The following MAF variants were observed in gnomAD, a reference collection of about 807,000 sequenced individuals.
MAF encodes the protein MAF bZIP transcription factor.
MAF carries 10 observed loss-of-function variants against 22.0 expected under a neutral mutation model. The ratio of observed to expected loss-of-function variants is 0.45; its 90% confidence interval spans 0.28 to 0.77. MAF has a LOEUF of 0.77. Among genes scored for constraint, MAF ranks in the 30% least tolerant of loss-of-function variants. MAF has a pLI of 0.12. For synonymous variants in MAF, 337 were observed against 255.8 expected (o/e 1.32, Z -3.03); for missense variants, 544 against 548.4 (o/e 0.99, Z 0.08).
At chr16:79,210,348 C>T in the MAF span, among the ~76,000 whole-genome samples, 11 of 152,278 alleles carry the variant, frequency 7.2e-5, no homozygotes, top group African/African-American at 2.4e-4. Context: ...CCCAGGGATC[C>T]TAGAATGCAA....
chr16:79,304,683 T>TA, the MAF span, among the ~76,000 whole-genome samples: 1 of 152,072 alleles, frequency 6.6e-6, no homozygotes, highest in South Asian at 2.1e-4. Flanking sequence ...AACCAGACCC[T>TA]AAAAAACACA....
the MAF span, among the ~76,000 whole-genome samples, chr16:79,382,727 T>C: frequency 6.6e-6 from 1 of 152,222 alleles, no homozygotes; most frequent in African/African-American, 2.4e-5. Context: ...CAGAGCATCA[T>C]ATCTCAGAAA....
At chr16:79,558,583 A>C in the MAF span, among the ~76,000 whole-genome samples, 1 of 152,326 alleles carries the variant, frequency 6.6e-6, no homozygotes, top group African/African-American at 2.4e-5. Flanking sequence ...TCCATAACAC[A>C]AAGAGAGGGG....
chr16:79,224,513 A>G, the MAF span, among the ~76,000 whole-genome samples: 20 of 152,186 alleles, frequency 1.3e-4, no homozygotes, highest in Non-Finnish European at 1.5e-5. Flanking sequence ...TGGCCAGGAC[A>G]ATCAGACAAG....
the MAF span, among the ~76,000 whole-genome samples, chr16:79,408,768 G>T: frequency 6.6e-6 from 1 of 150,630 alleles, no homozygotes. Context: ...CTGTATTCCA[G>T]AAACTAAACT....
the MAF span, among the ~76,000 whole-genome samples, chr16:79,486,867 C>T: frequency 7.9e-5 from 12 of 152,320 alleles, no homozygotes; most frequent in South Asian, 2.5e-3. Flanking sequence ...ATACTCGTAG[C>T]TACTCCATGG....
the MAF span, among the ~76,000 whole-genome samples, chr16:79,256,918 C>G: frequency 6.6e-6 from 1 of 152,184 alleles, no homozygotes; most frequent in South Asian, 2.1e-4. Flanking sequence ...GTGGCTCACG[C>G]CTGTAATCCC....
the MAF span, among the ~76,000 whole-genome samples, chr16:79,502,527 G>A: frequency 4.0e-3 from 613 of 151,488 alleles, 6 homozygotes; most frequent in African/African-American, 0.014. Context: ...TTAGCTGAGC[G>A]TGGTGGTGCA....
Position 79,600,290 on chromosome 16 carries a change from C to A in MAF, c.-388G>T, listed in dbSNP as rs1913949549. The A allele has an allele frequency of 4.5e-6, 1 of 221,440 alleles. No homozygotes were observed. The highest frequency in any genetic ancestry group is 9.6e-6 in the Non-Finnish European group (1 of 103,774). 13.7% of individuals were successfully genotyped at this position (221,440 alleles called of 1,614,324 possible). On this transcript the variant is annotated 5_prime_UTR_variant, in exon 1 of 2. Coordinates refer to ENST00000326043, the MANE Select transcript of MAF (RefSeq NM_005360.5). ...AGCCCGGCCCGGTGCGCGGCGTCCC[C>A]CGCTCGCCGCTCCGCTGCGCGCTTT...
At chr16:79,222,915 T>C in the MAF span, among the ~76,000 whole-genome samples, 1 of 152,172 alleles carries the variant, frequency 6.6e-6, no homozygotes, top group African/African-American at 2.4e-5. Flanking sequence ...CACACAGTAA[T>C]AGTGGGAGAC....
At chr16:79,286,212 C>T in the MAF span, among the ~76,000 whole-genome samples, 1 of 152,046 alleles carries the variant, frequency 6.6e-6, no homozygotes, top group Non-Finnish European at 1.5e-5. Context: ...TGTTTAAAAA[C>T]CGTTTAGAAT....
intron 1 of MAF, 82 bp from the exon 2 acceptor site, chr16:79,594,635 T>A: frequency 1.4e-6 from 2 of 1,478,810 alleles, no homozygotes; most frequent in Non-Finnish European, 1.8e-6. Flanking sequence ...GATTTCCTCA[T>A]ATGATTTTTT....
chr16:79,523,678 A>G, the MAF span, among the ~76,000 whole-genome samples: 1 of 152,198 alleles, frequency 6.6e-6, no homozygotes, highest in Non-Finnish European at 1.5e-5. Flanking sequence ...CTCAGTAGTG[A>G]CCTTAACAAA....
the MAF span, among the ~76,000 whole-genome samples, chr16:79,438,670 C>T: frequency 2.6e-4 from 39 of 152,242 alleles, no homozygotes; most frequent in African/African-American, 8.9e-4. Flanking sequence ...GCACAGCCAG[C>T]GAGGTCGTGC....
chr16:79,262,836 T>C, the MAF span, among the ~76,000 whole-genome samples: 2 of 152,144 alleles, frequency 1.3e-5, no homozygotes, highest in African/African-American at 2.4e-5. Flanking sequence ...TAGAAGCTGG[T>C]GGGTGAACGG....
the MAF span, among the ~76,000 whole-genome samples, chr16:79,530,624 C>T: frequency 6.6e-6 from 1 of 152,048 alleles, no homozygotes; most frequent in Non-Finnish European, 1.5e-5. Flanking sequence ...ACATAAACAC[C>T]AAAATGTTAA....
At chr16:79,259,149 C>T in the MAF span, among the ~76,000 whole-genome samples, 1 of 152,184 alleles carries the variant, frequency 6.6e-6, no homozygotes, top group Non-Finnish European at 1.5e-5. Context: ...GAAACGAAAG[C>T]CAATTCCTCA....
the MAF span, among the ~76,000 whole-genome samples, chr16:79,459,470 C>G: frequency 1.4e-4 from 21 of 152,140 alleles, no homozygotes; most frequent in Non-Finnish European, 1.5e-5. Context: ...AGTCCTCTAT[C>G]AGTACCATGC....
chr16:79,571,772 C>A, the MAF span, among the ~76,000 whole-genome samples: 2 of 152,052 alleles, frequency 1.3e-5, no homozygotes, highest in Non-Finnish European at 2.9e-5. Context: ...TCTAGATTCA[C>A]GAAGGAGCTC....
Sources: gnomAD v4.1 joint callset for allele counts (sites outside exome capture counted in the v4.1 genomes callset) on GRCh38, gnomAD v4.1.1 for gene constraint, MANE v1.5 for transcripts, NCBI Gene and HGNC (gene_info 2026-07-23, HGNC 2026-07-21) for gene names.